RANBP2: variants seen among roughly 807,000 people sequenced by gnomAD.
RANBP2 encodes the protein E3 SUMO-protein ligase RanBP2.
In RANBP2, 57 loss-of-function variants were observed where a neutral mutation model predicts 303.6. The observed-to-expected ratio is 0.19, with a 90% confidence interval of 0.15 to 0.23. RANBP2 has a LOEUF of 0.23. Ranked by LOEUF, RANBP2 falls within the 10% of genes least tolerant of loss-of-function variation. RANBP2 has a pLI of 1.00. For missense variants in RANBP2, 3,138 were observed against 3,780.8 expected (o/e 0.83, Z 4.46); for synonymous variants, 1,167 against 1,301.5 (o/e 0.90, Z 2.23).
the RANBP2 span, among the ~76,000 whole-genome samples, chr2:108,983,658 G>A: frequency 6.6e-6 from 1 of 152,052 alleles, no homozygotes; most frequent in Non-Finnish European, 1.5e-5. Flanking sequence ...CCTCCTAATC[G>A]ACCTGCATCT....
intron 7 of RANBP2, among the ~76,000 whole-genome samples, chr2:108,743,394 C>T (rs1696272562): frequency 6.6e-6 from 1 of 152,194 alleles, no homozygotes; most frequent in South Asian, 2.1e-4. Flanking sequence ...GCTTCAGCCT[C>T]AGCTCAGTAG....
the RANBP2 span, among the ~76,000 whole-genome samples, chr2:109,557,286 A>G: frequency 0.034 from 5,173 of 152,302 alleles, 134 homozygotes; most frequent in Middle Eastern, 0.061. Flanking sequence ...CAAGGAAAAT[A>G]TATCTACCTG....
At chr2:109,373,310 CT>C in the RANBP2 span, among the ~76,000 whole-genome samples, 1 of 152,192 alleles carries the variant, frequency 6.6e-6, no homozygotes, top group Non-Finnish European at 1.5e-5. Flanking sequence ...GCTGGCCAAA[CT>C]TTTTTCTCCA....
chr2:109,571,387 A>C, the RANBP2 span, among the ~76,000 whole-genome samples: 4 of 152,222 alleles, frequency 2.6e-5, no homozygotes. Flanking sequence ...TGGATGTTAT[A>C]GCCTATGACA....
Position 108,765,006 on chromosome 2 carries a change from G to T in RANBP2, c.4467G>T (p.Leu1489Phe). ...KEGQWDCSAC[L>F]VQNEGSSTKC... ...GACAGTGGGATTGCAGTGCATGTTT[G>T]GTACAAAATGAGGGGAGCTCTACAA... Residue 1489 changes from leucine (L) to phenylalanine (F), a missense_variant, in exon 20 of 29, where the codon TTG becomes TTT. Leu to Phe is a conservative substitution (Grantham distance 22). Around this residue, in one of 20 missense-constraint regions of RANBP2, gnomAD observed 388 missense variants for 328.5 expected, o/e 1.18. Coordinates refer to ENST00000283195, the MANE Select transcript of RANBP2 (RefSeq NM_006267.5). The T allele has an allele frequency of 6.2e-7, 1 of 1,610,430 alleles. No homozygotes were observed. Among genetic ancestry groups the T allele is most frequent in the Non-Finnish European group, 8.5e-7 (1 of 1,178,786 alleles).
chr2:108,927,759 T>C, the RANBP2 span, among the ~76,000 whole-genome samples: 1 of 152,058 alleles, frequency 6.6e-6, no homozygotes, highest in Non-Finnish European at 1.5e-5. Flanking sequence ...GGATGTCCCA[T>C]AGTCCCCTCA....
chr2:108,823,415 C>CAGT, the RANBP2 span, among the ~76,000 whole-genome samples: 1 of 152,182 alleles, frequency 6.6e-6, no homozygotes, highest in African/African-American at 2.4e-5. Flanking sequence ...TTCAACAGTA[C>CAGT]AGTCATGTGT....
chr2:108,899,310 T>C, the RANBP2 span, among the ~76,000 whole-genome samples: 2 of 152,238 alleles, frequency 1.3e-5, no homozygotes, highest in South Asian at 4.1e-4. Flanking sequence ...CAGAGTTGCA[T>C]ACCAGGTTGC....
the RANBP2 span, among the ~76,000 whole-genome samples, chr2:109,205,479 A>G: frequency 5.5e-4 from 83 of 152,226 alleles, no homozygotes; most frequent in Non-Finnish European, 1.0e-3. Context: ...TGAACTCCTG[A>G]CCTCAAGTGA....
chr2:109,384,782 A>G, the RANBP2 span, among the ~76,000 whole-genome samples: 4 of 152,150 alleles, frequency 2.6e-5, no homozygotes, highest in African/African-American at 9.6e-5. Context: ...GTCATAGGGA[A>G]CCCACAGGGT....
At chr2:109,433,710 G>C in the RANBP2 span, among the ~76,000 whole-genome samples, 1 of 152,256 alleles carries the variant, frequency 6.6e-6, no homozygotes, top group South Asian at 2.1e-4. Flanking sequence ...GCAATCTTCA[G>C]CCAGGGCCTC....
At chr2:108,725,362 C>T (rs1385198022) in intron 1 of RANBP2, among the ~76,000 whole-genome samples, 1 of 151,764 alleles carries the variant, frequency 6.6e-6, no homozygotes, top group Admixed American at 6.5e-5. Context: ...GTTTAATTAT[C>T]TTAAGATTGT....
the RANBP2 span, among the ~76,000 whole-genome samples, chr2:108,931,729 C>T: frequency 0.03 from 4,526 of 149,986 alleles, 139 homozygotes; most frequent in African/African-American, 0.078. Flanking sequence ...GTTTTTTTTT[C>T]TTTTTTTTTG....
chr2:109,554,067 C>G, the RANBP2 span, among the ~76,000 whole-genome samples: 1 of 152,096 alleles, frequency 6.6e-6, no homozygotes, highest in Non-Finnish European at 1.5e-5. Context: ...AGACTCAAAA[C>G]CCTTCTAATA....
chr2:109,641,188 GA>G, the RANBP2 span, among the ~76,000 whole-genome samples: 22 of 152,218 alleles, frequency 1.4e-4, no homozygotes, highest in South Asian at 3.5e-3. Flanking sequence ...GCCCAGGCTG[GA>G]GTGCAGTGGA....
chr2:109,690,300 C>A, the RANBP2 span, among the ~76,000 whole-genome samples: 1 of 152,064 alleles, frequency 6.6e-6, no homozygotes, highest in African/African-American at 2.4e-5. Flanking sequence ...CGGGACAACT[C>A]GAAGCAAAGG....
At chr2:108,953,572 T>C in the RANBP2 span, among the ~76,000 whole-genome samples, 1 of 152,298 alleles carries the variant, frequency 6.6e-6, no homozygotes, top group Non-Finnish European at 1.5e-5. Flanking sequence ...CAGTTGCAGT[T>C]ACCTCCCATA....
the RANBP2 span, among the ~76,000 whole-genome samples, chr2:108,972,627 G>A: frequency 6.6e-6 from 1 of 152,270 alleles, no homozygotes; most frequent in Non-Finnish European, 1.5e-5. Flanking sequence ...GCACAAGGGT[G>A]ACGGGTGTCT....
At chr2:109,680,741 T>C in the RANBP2 span, among the ~76,000 whole-genome samples, 1 of 152,190 alleles carries the variant, frequency 6.6e-6, no homozygotes, top group South Asian at 2.1e-4. Context: ...AGTCTGGATG[T>C]TTCTTTTTCA....
Sources: gnomAD v4.1 joint callset for allele counts (sites outside exome capture counted in the v4.1 genomes callset) on GRCh38, gnomAD v4.1.1 for gene constraint, gnomAD v4.1.1 regional missense constraint, MANE v1.5 for transcripts, NCBI Gene and HGNC (gene_info 2026-07-23, HGNC 2026-07-21) for gene names.